The following ARHGAP26 variants were observed in gnomAD, a reference collection of about 807,000 sequenced individuals.
The protein encoded by ARHGAP26 is rho GTPase-activating protein 26.
A neutral mutation model predicts 104.8 loss-of-function variants in ARHGAP26; 38 were observed. That is an observed-to-expected ratio of 0.36 (90% CI 0.28 to 0.48). The LOEUF is 0.48. Among genes scored for constraint, ARHGAP26 ranks in the 20% least tolerant of loss-of-function variants. The pLI is 0.99. For missense variants in ARHGAP26, 704 were observed against 947.9 expected (o/e 0.74, Z 3.38); for synonymous variants, 341 against 340.0 (o/e 1.00, Z -0.03).
chr5:142,945,091 G>T (rs1048257028), intron 11 of ARHGAP26, among the ~76,000 whole-genome samples: 2 of 152,156 alleles, frequency 1.3e-5, no homozygotes, highest in African/African-American at 4.8e-5. Flanking sequence ...ACAACAGCCA[G>T]TAACTTGTTG....
At chr5:143,162,804 C>T (rs561831087) in intron 20 of ARHGAP26, among the ~76,000 whole-genome samples, 2 of 152,344 alleles carry the variant, frequency 1.3e-5, no homozygotes, top group Non-Finnish European at 2.9e-5. Flanking sequence ...AGTCCCTTCC[C>T]AGTCAGTGAG....
intron 11 of ARHGAP26, among the ~76,000 whole-genome samples, chr5:142,943,113 G>GTGT (rs1296594698): frequency 6.6e-6 from 1 of 152,166 alleles, no homozygotes; most frequent in Non-Finnish European, 1.5e-5. Context: ...AGGAACACGT[G>GTGT]TGTTGTTTTT....
intron 11 of ARHGAP26, among the ~76,000 whole-genome samples, chr5:142,956,643 T>G (rs1401112937): frequency 1.3e-5 from 2 of 152,192 alleles, no homozygotes; most frequent in African/African-American, 4.8e-5. Context: ...TCTGTGACTT[T>G]ATGAAGTCTA....
rs369199850 is a variant in ARHGAP26, at chr5:143,071,572, G to C, written c.1538+13825G>C. Among the ~76,000 whole-genome samples, 8 of 152,314 alleles carry C rather than the reference G, an allele frequency of 5.3e-5. No homozygotes were observed. The South Asian group carries it at 1.2e-3, about 24-fold the overall frequency. On this transcript the variant is annotated intron_variant, in intron 17 of 22. Transcript: ENST00000645722. ...GCTTCAGGACATTTTTCTGGGAAAA[G>C]ATTTTATGAATAAGACCTTAAAAGC...
At chr5:142,978,592 G>C (rs1773472115) in intron 11 of ARHGAP26, among the ~76,000 whole-genome samples, 1 of 152,108 alleles carries the variant, frequency 6.6e-6, no homozygotes, top group Non-Finnish European at 1.5e-5. Context: ...CTGTTAAATG[G>C]GGATGATTTT....
chr5:143,117,142 T>C (rs886904166), intron 17 of ARHGAP26, among the ~76,000 whole-genome samples: 3 of 152,222 alleles, frequency 2.0e-5, no homozygotes, highest in African/African-American at 7.2e-5. Context: ...CTTCTCTGTG[T>C]AGATTTTAAG....
Position 142,916,330 on chromosome 5 carries a change from G to A in ARHGAP26, c.1028+3037G>A, listed in dbSNP as rs573978876. ...TAACAAAAGCTGTATCCTTTAGGAGGTGATATCCTAGGAGGTCAATATTGT... is the reference window on the plus strand; with the variant it reads ...TAACAAAAGCTGTATCCTTTAGGAGATGATATCCTAGGAGGTCAATATTGT... On this transcript the variant is annotated intron_variant, in intron 10 of 22. Coordinates refer to ENST00000645722, the MANE Select transcript of ARHGAP26 (RefSeq NM_001135608.3). Among the ~76,000 whole-genome samples the A allele has an allele frequency of 1.1e-4, 16 of 152,232 alleles. 1 individual carries two copies. The highest frequency in any genetic ancestry group is 3.9e-4 in the African/African-American group (16 of 41,542).
At chr5:142,881,750 C>T (rs994343470) in intron 4 of ARHGAP26, among the ~76,000 whole-genome samples, 1 of 152,170 alleles carries the variant, frequency 6.6e-6, no homozygotes, top group Non-Finnish European at 1.5e-5. Flanking sequence ...CTAGGCGACC[C>T]AGGGAGCAGT....
chr5:142,834,591 A>G (rs1022742192), intron 1 of ARHGAP26, among the ~76,000 whole-genome samples: 1 of 152,226 alleles, frequency 6.6e-6, no homozygotes, highest in African/African-American at 2.4e-5. Flanking sequence ...TTGTGCAGCT[A>G]CATTCAGGGC....
intron 11 of ARHGAP26, 102 bp from the exon 12 acceptor site, chr5:143,013,978 A>AT: frequency 8.6e-7 from 1 of 1,158,166 alleles, no homozygotes. Flanking sequence ...CTTCCACTTC[A>AT]TGGTGCAAAC....
intron 20 of ARHGAP26, among the ~76,000 whole-genome samples, chr5:143,185,697 C>A (rs994285860): frequency 6.6e-6 from 1 of 152,220 alleles, no homozygotes; most frequent in Non-Finnish European, 1.5e-5. Context: ...TTTCTGTTTA[C>A]CAGACACGGT....
intron 11 of ARHGAP26, among the ~76,000 whole-genome samples, chr5:143,012,866 GGATGGTCTC>G (rs1297304030): frequency 6.6e-6 from 1 of 151,656 alleles, no homozygotes; most frequent in Admixed American, 6.6e-5. Context: ...ATGTTAGCCA[GGATGGTCTC>G]GATCTCCTGA....
intron 18 of ARHGAP26, among the ~76,000 whole-genome samples, chr5:143,129,249 A>G (rs1403016199): frequency 1.3e-5 from 2 of 152,252 alleles, no homozygotes; most frequent in South Asian, 2.1e-4. Context: ...CTGACTGCAA[A>G]TAATCCATTG....
At chr5:143,157,028 A>G (rs774913958) in intron 20 of ARHGAP26, among the ~76,000 whole-genome samples, 22 of 152,218 alleles carry the variant, frequency 1.4e-4, no homozygotes, top group Non-Finnish European at 3.1e-4. Flanking sequence ...TGACAGAAAA[A>G]TAGCTCTCAG....
intron 11 of ARHGAP26, among the ~76,000 whole-genome samples, chr5:143,004,234 C>A (rs1777620723): frequency 6.6e-6 from 1 of 152,222 alleles, no homozygotes. Context: ...CCTTGTCTAC[C>A]TATTAAGTTA....
intron 11 of ARHGAP26, among the ~76,000 whole-genome samples, chr5:143,006,803 C>T (rs564655046): frequency 6.6e-6 from 1 of 152,300 alleles, no homozygotes; most frequent in African/African-American, 2.4e-5. Context: ...AATTCCTTCC[C>T]AAAAGCTTTT....
chr5:142,866,040 T>C (rs1754225787), intron 1 of ARHGAP26, among the ~76,000 whole-genome samples: 1 of 123,336 alleles, frequency 8.1e-6, no homozygotes. Context: ...TTTTTCTTTT[T>C]TTTTTTTTGG....
intron 1 of ARHGAP26, among the ~76,000 whole-genome samples, chr5:142,791,220 G>A (rs1759738803): frequency 6.6e-6 from 1 of 152,012 alleles, no homozygotes; most frequent in Non-Finnish European, 1.5e-5. Context: ...GATAAACCAG[G>A]TGTAACTGCT....
intron 11 of ARHGAP26, among the ~76,000 whole-genome samples, chr5:143,004,326 C>T (rs1338669456): frequency 1.3e-5 from 2 of 152,142 alleles, no homozygotes; most frequent in African/African-American, 4.8e-5. Flanking sequence ...TAACACAGAC[C>T]TTAATGCCAA....
Sources: allele counts gnomAD v4.1 joint callset (sites outside exome capture counted in the v4.1 genomes callset), GRCh38; gene constraint gnomAD v4.1.1; transcripts MANE v1.5; gene names NCBI Gene and HGNC (gene_info 2026-07-23, HGNC 2026-07-21).